The following SLC37A3 variants were observed in gnomAD, a reference collection of about 807,000 sequenced individuals.
SLC37A3 encodes solute carrier family 37 member 3.
In SLC37A3, 51 loss-of-function variants were observed where a neutral mutation model predicts 67.1. That is an observed-to-expected ratio of 0.76 (90% CI 0.61 to 0.96). The LOEUF is 0.96. Ranked by LOEUF, SLC37A3 falls within the 40% of genes least tolerant of loss-of-function variation. The pLI is 0.00. For missense variants in SLC37A3, 508 were observed against 603.0 expected (o/e 0.84, Z 1.65); for synonymous variants, 214 against 231.4 (o/e 0.92, Z 0.68).
At chr7:140,386,240 T>C (rs1585367898) in intron 1 of SLC37A3, among the ~76,000 whole-genome samples, 2 of 152,026 alleles carry the variant, frequency 1.3e-5, no homozygotes, top group East Asian at 3.9e-4. Context: ...CAGCTTATTT[T>C]TTGTATTTAT....
rs575591348 is a variant in SLC37A3, at chr7:140,337,123, G to A, written c.1392+161C>T. 2.7e-3 allele frequency among the ~76,000 whole-genome samples: 337 copies of A among 126,336 alleles called. 1 individual carries two copies. Among genetic ancestry groups the A allele is most frequent in the Non-Finnish European group, 3.6e-3 (220 of 61,870 alleles). 82.9% of individuals were successfully genotyped at this position (126,336 alleles called of 152,430 possible). Reference sequence around the variant, plus strand: ...CAAAAAAAAAAAAAAAAAAAAAGAAGAAGAAGAAGAAGAAGATGTCTTTTA... The same window carrying A: ...CAAAAAAAAAAAAAAAAAAAAAGAAAAAGAAGAAGAAGAAGATGTCTTTTA... On this transcript the variant is annotated intron_variant, in intron 14 of 14. Transcript: ENST00000326232.
chr7:140,364,020 G>T (rs1347008674), intron 5 of SLC37A3, among the ~76,000 whole-genome samples: 1 of 152,176 alleles, frequency 6.6e-6, no homozygotes, highest in East Asian at 1.9e-4. Context: ...ACTTTGGGAG[G>T]CCAAGGCAGG....
intron 3 of SLC37A3, among the ~76,000 whole-genome samples, chr7:140,375,148 C>T (rs552406950): frequency 3.5e-5 from 5 of 142,922 alleles, no homozygotes; most frequent in East Asian, 4.1e-4. Flanking sequence ...AGCAAGATTC[C>T]GCCTCAAAAA....
chr7:140,379,289 T>A (rs912786180), intron 3 of SLC37A3: 1 of 151,396 alleles, frequency 6.6e-6, no homozygotes, highest in Admixed American at 6.6e-5. Context: ...CTGGCTAACA[T>A]GGTGAAACCC....
chr7:140,380,122 G>C (rs2129787619), intron 3 of SLC37A3, 160 bp downstream of exon 3: 1 of 439,690 alleles, frequency 2.3e-6, no homozygotes, highest in East Asian at 3.8e-5. Flanking sequence ...CTGAGTCAGA[G>C]CAGGCTTTGA....
intron 1 of SLC37A3, among the ~76,000 whole-genome samples, chr7:140,386,036 G>A (rs1272160232): frequency 6.6e-6 from 1 of 152,114 alleles, no homozygotes; most frequent in Non-Finnish European, 1.5e-5. Context: ...ACCCACCTTG[G>A]CCTCCCAAAG....
chr7:140,339,320 G>GT (rs1338792338), intron 13 of SLC37A3, among the ~76,000 whole-genome samples: 13 of 149,624 alleles, frequency 8.7e-5, no homozygotes, highest in African/African-American at 3.0e-4. Context: ...GAGTGCAGTG[G>GT]TGTGATCTTG....
intron 6 of SLC37A3, among the ~76,000 whole-genome samples, chr7:140,356,838 C>T (rs1434069393): frequency 1.3e-5 from 2 of 152,144 alleles, no homozygotes; most frequent in African/African-American, 4.8e-5. Context: ...GGGAAGGGCA[C>T]AGAGCAATAA....
At chr7:140,342,555 T>C (rs781367082) in intron 13 of SLC37A3, among the ~76,000 whole-genome samples, 8 of 152,180 alleles carry the variant, frequency 5.3e-5, no homozygotes, top group African/African-American at 1.9e-4. Flanking sequence ...TACAGATGAC[T>C]CTCAGATCCA....
intron 12 of SLC37A3, 126 bp from the exon 13 acceptor site, chr7:140,343,689 C>A (rs999647002): frequency 2.1e-6 from 2 of 937,434 alleles, no homozygotes; most frequent in Middle Eastern, 3.3e-4. Context: ...AAAAGGAAAC[C>A]CCCAGATAGT....
At chr7:140,386,231 A>G (rs1798444642) in intron 1 of SLC37A3, among the ~76,000 whole-genome samples, 1 of 151,710 alleles carries the variant, frequency 6.6e-6, no homozygotes, top group Admixed American at 6.6e-5. Flanking sequence ...CACCACATCC[A>G]GCTTATTTTT....
intron 4 of SLC37A3, 114 bp downstream of exon 4, chr7:140,369,476 A>C (rs1405897615): frequency 1.4e-6 from 1 of 709,516 alleles, no homozygotes; most frequent in East Asian, 2.7e-5. Flanking sequence ...CTTCAGAAAT[A>C]CTGAACTCTG....
chr7:140,335,217 CA>C lies in SLC37A3; in HGVS notation c.*194del, dbSNP rs1796083968. ...ATGAAACAACAGCAAAAATCATCAA[CA>C]GTAATTCCTGTAGTGTAGAAAACTA... is the stretch of plus-strand genomic sequence containing the variant. On this transcript the variant is annotated 3_prime_UTR_variant, in exon 15 of 15. Coordinates refer to ENST00000326232, the MANE Select transcript of SLC37A3 (RefSeq NM_207113.3). 1 of 1,601,774 alleles carries C rather than the reference CA, an allele frequency of 6.2e-7. No individual in the cohort carries two copies. Among genetic ancestry groups the C allele is most frequent in the Admixed American group, 1.7e-5 (1 of 59,080 alleles).
intron 3 of SLC37A3, among the ~76,000 whole-genome samples, chr7:140,376,011 C>T (rs1798017770): frequency 1.3e-5 from 2 of 152,192 alleles, no homozygotes; most frequent in South Asian, 4.1e-4. Context: ...TGGGTACATG[C>T]ACCAGTGTGA....
chr7:140,336,903 A>G (rs1224600604), intron 14 of SLC37A3, among the ~76,000 whole-genome samples: 3 of 152,112 alleles, frequency 2.0e-5, no homozygotes, highest in Middle Eastern at 3.4e-3. Context: ...GTTCAAGACC[A>G]GCCTGGCCAA....
chr7:140,391,214 A>T (rs1397264833), intron 1 of SLC37A3, among the ~76,000 whole-genome samples: 2 of 151,952 alleles, frequency 1.3e-5, no homozygotes, highest in Non-Finnish European at 2.9e-5. Context: ...TCTAACTTAG[A>T]CCCTCCAGGA....
chr7:140,338,523 G>A (rs920717038), intron 13 of SLC37A3, among the ~76,000 whole-genome samples: 2 of 152,146 alleles, frequency 1.3e-5, no homozygotes, highest in African/African-American at 2.4e-5. Context: ...CTAGGCTGGA[G>A]TGCAGTGGGG....
chr7:140,386,007 T>C (rs1798434323), intron 1 of SLC37A3, among the ~76,000 whole-genome samples: 1 of 152,176 alleles, frequency 6.6e-6, no homozygotes, highest in African/African-American at 2.4e-5. Flanking sequence ...GGTCTCGAAC[T>C]CCTAACCTCA....
chr7:140,335,472 T>C lies in SLC37A3; in HGVS notation c.1425A>G (p.Leu475=), dbSNP rs1477671695. The C allele has an allele frequency of 1.9e-6, 3 of 1,614,176 alleles. No homozygotes were observed. The highest frequency in any genetic ancestry group is 1.1e-5 in the South Asian group (1 of 91,088). ...TSCTIVFISP[L]IVREIFSLVL... ...CGAGAGAGAATATTTCCCTCACTAT[T>C]AATGGCGAGATAAACACAATTGTAC... is the stretch of plus-strand genomic sequence containing the variant. The change falls in exon 15 of 15, where the codon TTA becomes TTG. Residue 475 remains leucine (L), a synonymous_variant. Transcript: ENST00000326232.
Sources: gnomAD v4.1 joint callset for allele counts (sites outside exome capture counted in the v4.1 genomes callset) on GRCh38, gnomAD v4.1.1 for gene constraint, MANE v1.5 for transcripts, NCBI Gene and HGNC (gene_info 2026-07-23, HGNC 2026-07-21) for gene names.